MLXIPL: variants seen among roughly 807,000 people sequenced by gnomAD.
MLXIPL encodes MLX interacting protein like, also known as carbohydrate-responsive element-binding protein.
Under a neutral mutation model 81.5 loss-of-function variants are expected in MLXIPL, and 49 were observed. The ratio of observed to expected loss-of-function variants is 0.60; its 90% CI spans 0.48 to 0.76. The LOEUF (loss-of-function observed/expected upper bound fraction) is 0.76. Among genes scored for constraint, MLXIPL ranks in the 30% least tolerant of loss-of-function variants. MLXIPL has a pLI of 0.00. For synonymous variants in MLXIPL, 466 were observed against 485.5 expected (o/e 0.96, Z 0.53); for missense variants, 1,053 against 1,167.0 (o/e 0.90, Z 1.42).
At position 73,593,590 on chromosome 7, in the gene MLXIPL, C is replaced by T; in HGVS notation, c.*275G>A. On this transcript the variant is annotated 3_prime_UTR_variant, in exon 17 of 17. Transcript: ENST00000313375. ...CTGCTGATTGAACCTTCCCCATCCC[C>T]ATTTTGCAGATTGAAACACAGCGGT... 2.4e-6 allele frequency: 1 copy of T among 424,998 alleles called. No homozygotes were observed. The highest frequency in any genetic ancestry group is 2.2e-5 in the South Asian group (1 of 46,490). 26.3% of individuals were successfully genotyped at this position (424,998 alleles called of 1,614,324 possible). A position where few individuals can be genotyped will look rare whatever the true frequency, so the allele number is the denominator to read the frequency against.
At chr7:73,635,245 C>T in the MLXIPL span, among the ~76,000 whole-genome samples, 1 of 150,554 alleles carries the variant, frequency 6.6e-6, no homozygotes, top group East Asian at 2.0e-4. Context: ...CTGGTCTCAA[C>T]TGAAAATCAT....
At chr7:73,603,636 AG>A (rs782308606) in intron 7 of MLXIPL, among the ~76,000 whole-genome samples, 22 of 152,178 alleles carry the variant, frequency 1.4e-4, no homozygotes, top group Non-Finnish European at 2.6e-4. Context: ...GCTTTATCCC[AG>A]GGACCCTCTT....
rs1554602988 is a variant in MLXIPL, at chr7:73,624,215, A to T, written c.278T>A (p.Leu93Ter). ...CCGCCCTCACCTGTAGGCCAGGCTCAAGCACTCGAAGAGGCGTGTGAGTGT... is the reference window on the plus strand; with the variant it reads ...CCGCCCTCACCTGTAGGCCAGGCTCTAGCACTCGAAGAGGCGTGTGAGTGT... ...DPTLTRLFEC[L>*]SLAYSGKLVS... Residue 93 changes from leucine to a stop codon, truncating the protein, a stop_gained, in exon 1 of 17, where the codon TTG (leucine) becomes TAG (stop). Coordinates refer to ENST00000313375, the MANE Select transcript of MLXIPL (RefSeq NM_032951.3). LOFTEE classifies it high-confidence loss of function. 1 of 1,590,406 alleles carries T rather than the reference A, an allele frequency of 6.3e-7. No homozygotes were observed. The highest frequency in any genetic ancestry group is 8.5e-7 in the Non-Finnish European group (1 of 1,169,794).
intron 2 of MLXIPL, among the ~76,000 whole-genome samples, chr7:73,613,880 T>A (rs1563504210): frequency 6.6e-6 from 1 of 152,136 alleles, no homozygotes; most frequent in Non-Finnish European, 1.5e-5. Flanking sequence ...CTCACGCCTA[T>A]AACCCCAGCT....
intron 7 of MLXIPL, among the ~76,000 whole-genome samples, chr7:73,602,114 G>GCCTTCCTTCCTTCCTTCCTT (rs1374241167): frequency 1.9e-5 from 1 of 53,548 alleles, no homozygotes; most frequent in African/African-American, 7.7e-5. Context: ...CTGCCTGCCT[G>GCCTTCCTTCCTTCCTTCCTT]CCTGCCTGCC....
chr7:73,617,645 G>A (rs1274908469), intron 1 of MLXIPL, among the ~76,000 whole-genome samples: 3 of 151,838 alleles, frequency 2.0e-5, no homozygotes, highest in Admixed American at 2.0e-4. Flanking sequence ...AGGAGTTTGA[G>A]ACCAGCCTGG....
Position 73,623,513 on chromosome 7 carries a change from C to A in MLXIPL, c.293+687G>T, listed in dbSNP as rs985112243. ...GCGACGGGCGCTCAGCCTAGTGTGGCGACGTGGGTAGGCGAACCCAGGCCT... is the reference window on the plus strand; with the variant it reads ...GCGACGGGCGCTCAGCCTAGTGTGGAGACGTGGGTAGGCGAACCCAGGCCT... On this transcript the variant is annotated intron_variant, in intron 1 of 16. Coordinates refer to ENST00000313375, the MANE Select transcript of MLXIPL (RefSeq NM_032951.3). The surrounding 1 kb of genome is among the most constrained non-coding windows in gnomAD (Gnocchi z 5.7). Among the ~76,000 whole-genome samples, 2 of 152,066 alleles carry A rather than the reference C, an allele frequency of 1.3e-5. No homozygotes were observed. The highest frequency in any genetic ancestry group is 4.2e-4 in the South Asian group (2 of 4,816).
chr7:73,637,384 A>G, the MLXIPL span, among the ~76,000 whole-genome samples: 1 of 151,764 alleles, frequency 6.6e-6, no homozygotes, highest in Non-Finnish European at 1.5e-5. Flanking sequence ...CTGAGGCGAG[A>G]GACTTGCTTG....
chr7:73,599,364 C>A (rs777951342), intron 8 of MLXIPL, among the ~76,000 whole-genome samples, 162 bp downstream of exon 8: 1 of 151,466 alleles, frequency 6.6e-6, no homozygotes, highest in East Asian at 2.0e-4. Flanking sequence ...TTCTGCTTCA[C>A]GGGGTCCCTC....
At chr7:73,625,681 A>G (rs1430055269), upstream of MLXIPL, among the ~76,000 whole-genome samples, 1 of 152,110 alleles carries the variant, frequency 6.6e-6, no homozygotes, top group Non-Finnish European at 1.5e-5. Context: ...GAATCACATG[A>G]GCCCAAGAGG....
chr7:73,594,738 G>A (rs1794131287), intron 15 of MLXIPL, among the ~76,000 whole-genome samples: 1 of 151,730 alleles, frequency 6.6e-6, no homozygotes, highest in African/African-American at 2.4e-5. Flanking sequence ...TAGTAGAGAC[G>A]GGGTTTCGCT....
chr7:73,618,403 G>T (rs913421584), intron 1 of MLXIPL, among the ~76,000 whole-genome samples: 20 of 152,090 alleles, frequency 1.3e-4, no homozygotes, highest in African/African-American at 4.8e-4. Flanking sequence ...GGCCCCCAAG[G>T]CTTAGTCTTT....
At chr7:73,600,201 G>A (rs1331045963) in intron 7 of MLXIPL, among the ~76,000 whole-genome samples, 2 of 151,386 alleles carry the variant, frequency 1.3e-5, no homozygotes, top group Non-Finnish European at 2.9e-5. Flanking sequence ...TCCGGGACAA[G>A]CTTGGTTTGT....
At chr7:73,628,114 G>A (rs576043202), upstream of MLXIPL, among the ~76,000 whole-genome samples, 202 of 152,038 alleles carry the variant, frequency 1.3e-3, 1 homozygote, top group African/African-American at 4.6e-3. Flanking sequence ...GAGCCACTGT[G>A]CCTGGCCTGA....
chr7:73,599,772 T>G, intron 7 of MLXIPL, 77 bp from the exon 8 acceptor site: 2 of 1,431,918 alleles, frequency 1.4e-6, no homozygotes, highest in Non-Finnish European at 1.9e-6. Flanking sequence ...GAGAGTGGCC[T>G]GTCCCCAGCC....
the MLXIPL span, among the ~76,000 whole-genome samples, chr7:73,635,562 T>A: frequency 1.3e-5 from 2 of 151,368 alleles, no homozygotes; most frequent in Non-Finnish European, 2.9e-5. Flanking sequence ...CATCCATCCA[T>A]CCACCCATCT....
At chr7:73,635,405 T>C in the MLXIPL span, among the ~76,000 whole-genome samples, 3 of 152,086 alleles carry the variant, frequency 2.0e-5, no homozygotes, top group African/African-American at 4.8e-5. Flanking sequence ...ATTTACCTAT[T>C]AATTCATCTA....
At chr7:73,602,848 C>T (rs1425347170) in intron 7 of MLXIPL, among the ~76,000 whole-genome samples, 1 of 152,252 alleles carries the variant, frequency 6.6e-6, no homozygotes, top group East Asian at 1.9e-4. Flanking sequence ...CTGCTCACAG[C>T]TGCTGCCCAC....
At chr7:73,637,900 T>G in the MLXIPL span, among the ~76,000 whole-genome samples, 28 of 152,306 alleles carry the variant, frequency 1.8e-4, 1 homozygote, top group East Asian at 4.0e-3. Flanking sequence ...GATTCCCAAA[T>G]GGCCCTAGAA....
Sources: gnomAD v4.1 joint callset for allele counts (sites outside exome capture counted in the v4.1 genomes callset) on GRCh38, gnomAD v4.1.1 for gene constraint, Gnocchi (gnomAD v3.1) non-coding constraint, MANE v1.5 for transcripts, NCBI Gene and HGNC (gene_info 2026-07-23, HGNC 2026-07-21) for gene names.